Variants in PTPN14 observed in about 807,000 individuals in gnomAD.
The protein encoded by PTPN14 is tyrosine-protein phosphatase non-receptor type 14.
In PTPN14, 53 loss-of-function variants were observed where a neutral mutation model predicts 126.8. The ratio of observed to expected loss-of-function variants is 0.42; its 90% CI spans 0.34 to 0.53. The LOEUF (loss-of-function observed/expected upper bound fraction) is 0.53. Among genes scored for constraint, PTPN14 ranks in the 20% least tolerant of loss-of-function variants. The pLI is 0.08. For synonymous variants in PTPN14, 630 were observed against 599.3 expected, an observed-to-expected ratio of 1.05 and a Z score of -0.75; for missense variants, 1,257 against 1,552.9, an observed-to-expected ratio of 0.81 and a Z score of 3.20.
intron 2 of PTPN14, among the ~76,000 whole-genome samples, chr1:214,458,070 C>G (rs566763072): frequency 5.9e-5 from 9 of 151,470 alleles, no homozygotes; most frequent in Non-Finnish European, 1.3e-4. Flanking sequence ...GAGAGAGAGA[C>G]AGAGAGATTC....
chr1:214,527,153 T>G (rs1192735247), intron 1 of PTPN14, among the ~76,000 whole-genome samples: 2 of 151,634 alleles, frequency 1.3e-5, no homozygotes, highest in Non-Finnish European at 2.9e-5. Context: ...CTCAGAGCCT[T>G]GGCAGGAAAG....
intron 1 of PTPN14, among the ~76,000 whole-genome samples, chr1:214,520,065 A>AAAAAAAAAAAAAAATATATATATATAT: frequency 2.8e-5 from 2 of 71,110 alleles, no homozygotes; most frequent in Non-Finnish European, 4.8e-5. Flanking sequence ...AAAAAAAAAA[A>AAAAAAAAAAAAAAATATATATATATAT]ATATATATAT....
chr1:214,492,801 A>G (rs1392141050), intron 1 of PTPN14, among the ~76,000 whole-genome samples: 2 of 151,958 alleles, frequency 1.3e-5, no homozygotes, highest in African/African-American at 4.8e-5. Flanking sequence ...CTAGCTACCC[A>G]GGAGGCTGAG....
intron 1 of PTPN14, among the ~76,000 whole-genome samples, chr1:214,474,411 T>A (rs551755510): frequency 1.6e-4 from 25 of 152,228 alleles, no homozygotes; most frequent in Middle Eastern, 6.8e-3. Context: ...TCTCAGCCCT[T>A]AACAGATTTC....
chr1:214,365,377 C>T (rs2102511783), intron 17 of PTPN14, among the ~76,000 whole-genome samples: 1 of 152,058 alleles, frequency 6.6e-6, no homozygotes, highest in Middle Eastern at 3.4e-3. Context: ...TTCATGACTC[C>T]AATTAGGCAC....
chr1:214,467,101 G>A (rs1022019136), intron 1 of PTPN14, among the ~76,000 whole-genome samples: 1 of 152,112 alleles, frequency 6.6e-6, no homozygotes, highest in East Asian at 1.9e-4. Flanking sequence ...TGTTGGCAGA[G>A]TATCATGTTT....
Position 214,520,065 on chromosome 1 carries a change from A to AAAAAATATATATATATATATAT in PTPN14, c.-155+31117_-155+31118insATATATATATATATATATTTTT. Among the ~76,000 whole-genome samples, 16 of 71,096 alleles carry AAAAAATATATATATATATATAT rather than the reference A, an allele frequency of 2.3e-4. No individual in the cohort carries two copies. In the South Asian group the frequency reaches 2.6e-3, roughly 12 times the overall value. The allele number at this position is 71,096 out of a possible 152,430, so 46.6% of individuals were successfully genotyped here. ...CCTGTCTCAAAAAAAAAAAAAAAAA[A>AAAAAATATATATATATATATAT]ATATATATATATATATATGCAGAAT... On this transcript the variant is annotated intron_variant, in intron 1 of 18. Transcript: ENST00000366956.
At chr1:214,485,164 T>G (rs1311038769) in intron 1 of PTPN14, among the ~76,000 whole-genome samples, 1 of 152,180 alleles carries the variant, frequency 6.6e-6, no homozygotes, top group Non-Finnish European at 1.5e-5. Flanking sequence ...GGAGCATAAA[T>G]GAGATTAAAT....
intron 18 of PTPN14, among the ~76,000 whole-genome samples, 189 bp from the exon 19 acceptor site, chr1:214,358,239 A>C (rs534554407): frequency 3.2e-4 from 49 of 152,290 alleles, no homozygotes; most frequent in African/African-American, 1.1e-3. Flanking sequence ...CCTGGTCATC[A>C]TGTGTCACTG....
intron 3 of PTPN14, among the ~76,000 whole-genome samples, chr1:214,426,166 C>T (rs1659660955): frequency 6.6e-6 from 1 of 151,306 alleles, no homozygotes; most frequent in African/African-American, 2.4e-5. Context: ...TTTTCTTTTG[C>T]AGAATCTTCA....
At chr1:214,394,793 GTATT>G (rs1658839201) in intron 9 of PTPN14, 102 bp downstream of exon 9, 1 of 973,834 alleles carries the variant, frequency 1.0e-6, no homozygotes, top group Non-Finnish European at 1.6e-6. Flanking sequence ...CTTCAAGGGA[GTATT>G]TATTATCTCA....
chr1:214,407,162 G>A (rs1334853854), intron 5 of PTPN14, among the ~76,000 whole-genome samples: 1 of 152,232 alleles, frequency 6.6e-6, no homozygotes, highest in Non-Finnish European at 1.5e-5. Context: ...CATTTAATGA[G>A]TAGAATTAAT....
In PTPN14 at chr1:214,364,731, G is replaced by C; in HGVS notation, c.3272-56C>G. On this transcript the variant is annotated intron_variant, in intron 17 of 18. Coordinates refer to ENST00000366956, the MANE Select transcript of PTPN14 (RefSeq NM_005401.5). This position sits in a 1 kb window ranked among gnomAD's most constrained non-coding sequence, Gnocchi z 4.1. ...AAGTCCTCCATGGCTTCGCATGTAA[G>C]TTGGGGAGGGGGGAGCGGAAGAGAA... is the stretch of plus-strand genomic sequence containing the variant. 3 of 1,569,226 alleles carry C rather than the reference G, an allele frequency of 1.9e-6. No homozygotes were observed. The highest frequency in any genetic ancestry group is 2.6e-6 in the Non-Finnish European group (3 of 1,154,490).
rs142636915 is a variant in PTPN14 at position 214,452,437 on chromosome 1, C to T, written c.175-463G>A. On this transcript the variant is annotated intron_variant, in intron 2 of 18. Coordinates refer to ENST00000366956, the MANE Select transcript of PTPN14 (RefSeq NM_005401.5). ...CGCCTGCCAACTGAAAGCTTCTGCA[C>T]TGTAGAATATTTTCATACAGTACCA... 2.1e-4 allele frequency among the ~76,000 whole-genome samples: 32 copies of T among 152,348 alleles called. No homozygotes were observed. The East Asian group carries it at 5.8e-3, about 28-fold the overall frequency.
chr1:214,377,859 G>C, intron 14 of PTPN14, 100 bp downstream of exon 14: 1 of 1,357,190 alleles, frequency 7.4e-7, no homozygotes, highest in Non-Finnish European at 1.0e-6. Flanking sequence ...AAGAAAGAAT[G>C]CATCACACAA....
rs574323132 is a variant in PTPN14 at position 214,479,725 on chromosome 1, G to A, written c.-154-14768C>T. On this transcript the variant is annotated intron_variant, in intron 1 of 18. Coordinates refer to ENST00000366956, the MANE Select transcript of PTPN14 (RefSeq NM_005401.5). The stretch of plus-strand genomic sequence containing the variant: ...AAATTTATTCTTTTGAATTATTAGG[G>A]TTAGAAAGCTCAGTCGTTTTCTATT... Among the ~76,000 whole-genome samples the A allele has an allele frequency of 3.3e-5, 5 of 152,104 alleles. No individual in the cohort carries two copies. In the South Asian group the frequency reaches 1.0e-3, roughly 32 times the overall value.
chr1:214,366,958 T>C (rs1479820108), intron 17 of PTPN14, among the ~76,000 whole-genome samples: 1 of 145,862 alleles, frequency 6.9e-6, no homozygotes, highest in East Asian at 2.0e-4. Context: ...TACTCCAGCC[T>C]GGGTGACAGA....
chr1:214,421,820 T>C (rs577361846), intron 3 of PTPN14, among the ~76,000 whole-genome samples: 2 of 152,240 alleles, frequency 1.3e-5, no homozygotes, highest in Middle Eastern at 3.4e-3. Context: ...CCCTTGCCTA[T>C]CCTCCATTTG....
chr1:214,412,004 T>C (rs976177036), intron 4 of PTPN14, among the ~76,000 whole-genome samples: 3 of 152,208 alleles, frequency 2.0e-5, no homozygotes, highest in Non-Finnish European at 4.4e-5. Flanking sequence ...CTAAAGGCCA[T>C]TTAAAAAATT....
Sources: allele counts gnomAD v4.1 joint callset (sites outside exome capture counted in the v4.1 genomes callset), GRCh38; gene constraint gnomAD v4.1.1; non-coding constraint Gnocchi (gnomAD v3.1); transcripts MANE v1.5; gene names NCBI Gene and HGNC (gene_info 2026-07-23, HGNC 2026-07-21).